The following CSMD3 variants were observed in gnomAD, a reference collection of about 807,000 sequenced individuals.
The protein encoded by CSMD3 is CUB and sushi domain-containing protein 3.
Under a neutral mutation model 435.2 loss-of-function variants are expected in CSMD3, and 177 were observed. That is an observed-to-expected ratio of 0.41 (90% CI 0.36 to 0.46). The LOEUF (loss-of-function observed/expected upper bound fraction) is 0.46, where lower values mean the gene tolerates loss of function less well. Ranked by LOEUF, CSMD3 falls within the 20% of genes least tolerant of loss-of-function variation. The pLI, the probability that CSMD3 is intolerant of heterozygous loss-of-function variation, is 0.34. For synonymous variants in CSMD3, 1,656 were observed against 1,520.5 expected, an observed-to-expected ratio of 1.09 and a Z score of -2.07; for missense variants, 4,265 against 4,504.6, an observed-to-expected ratio of 0.95 and a Z score of 1.52.
intron 6 of CSMD3, among the ~76,000 whole-genome samples, chr8:113,008,708 T>C (rs2086148015): frequency 6.6e-6 from 1 of 151,686 alleles, no homozygotes; most frequent in Admixed American, 6.6e-5. Context: ...TCTAGTACTA[T>C]ATATTGATAC....
At chr8:113,151,488 A>T (rs2091804640) in intron 4 of CSMD3, among the ~76,000 whole-genome samples, 1 of 151,954 alleles carries the variant, frequency 6.6e-6, no homozygotes, top group Admixed American at 6.6e-5. Context: ...AATAATATAA[A>T]CAATAGGAAT....
intron 2 of CSMD3, among the ~76,000 whole-genome samples, chr8:113,286,057 T>C (rs1223448763): frequency 6.6e-6 from 1 of 152,008 alleles, no homozygotes; most frequent in Admixed American, 6.6e-5. Flanking sequence ...AATTTTATGG[T>C]TTCTAATTGA....
chr8:113,146,374 G>T (rs973067194), intron 4 of CSMD3, among the ~76,000 whole-genome samples: 2 of 151,250 alleles, frequency 1.3e-5, no homozygotes, highest in African/African-American at 4.8e-5. Context: ...GCCTGGAGAG[G>T]TAATAAGAGT....
intron 2 of CSMD3, among the ~76,000 whole-genome samples, chr8:113,299,565 T>C (rs1248876139): frequency 6.6e-6 from 1 of 152,104 alleles, no homozygotes; most frequent in African/African-American, 2.4e-5. Flanking sequence ...AGAATGTTAG[T>C]GGATGTGGTA....
chr8:113,356,913 T>A (rs1484107338), intron 1 of CSMD3, among the ~76,000 whole-genome samples: 31 of 152,134 alleles, frequency 2.0e-4, no homozygotes, highest in Non-Finnish European at 1.5e-5. Flanking sequence ...ATAAAAATAT[T>A]TTTTTCTGAA....
At chr8:112,555,469 A>G (rs1005205284) in intron 25 of CSMD3, among the ~76,000 whole-genome samples, 4 of 152,004 alleles carry the variant, frequency 2.6e-5, no homozygotes, top group African/African-American at 9.7e-5. Context: ...CATTTTTCTC[A>G]TAACCAATGC....
At chr8:112,270,361 T>TGTGTGTGTTAGGGGTGA (rs1817385766) in intron 59 of CSMD3, among the ~76,000 whole-genome samples, 2 of 135,630 alleles carry the variant, frequency 1.5e-5, no homozygotes, top group African/African-American at 3.5e-5. Flanking sequence ...TGTGTGTGTG[T>TGTGTGTGTTAGGGGTGA]GTGTGTGTGT....
chr8:113,367,175 T>C (rs2094317621), intron 1 of CSMD3, among the ~76,000 whole-genome samples: 1 of 151,842 alleles, frequency 6.6e-6, no homozygotes, highest in African/African-American at 2.4e-5. Flanking sequence ...TAAAATATAA[T>C]TACTTATGCT....
chr8:112,320,481 A>G (rs1822889021), intron 45 of CSMD3, among the ~76,000 whole-genome samples: 1 of 152,080 alleles, frequency 6.6e-6, no homozygotes, highest in Non-Finnish European at 1.5e-5. Flanking sequence ...TACTATTTCT[A>G]TAATTGCCCC....
intron 53 of CSMD3, 83 bp downstream of exon 53, chr8:112,301,710 C>T: frequency 5.1e-6 from 5 of 981,176 alleles, no homozygotes; most frequent in Non-Finnish European, 8.2e-6. Flanking sequence ...AAATTAGTAT[C>T]TCATATTAGG....
intron 4 of CSMD3, among the ~76,000 whole-genome samples, chr8:113,120,475 A>C (rs2090955678): frequency 1.3e-5 from 2 of 152,154 alleles, no homozygotes; most frequent in South Asian, 4.1e-4. Flanking sequence ...CAAAGTCGTG[A>C]ACAAAGAAAA....
intron 9 of CSMD3, among the ~76,000 whole-genome samples, chr8:112,924,074 G>A (rs2082832096): frequency 6.6e-6 from 1 of 152,152 alleles, no homozygotes; most frequent in South Asian, 2.1e-4. Flanking sequence ...TAGGGGTTGT[G>A]GTTAGATTGG....
intron 5 of CSMD3, among the ~76,000 whole-genome samples, chr8:113,097,063 A>G (rs2090185702): frequency 6.6e-6 from 1 of 152,010 alleles, no homozygotes; most frequent in Admixed American, 6.6e-5. Context: ...TCACCTCCCT[A>G]GATCTCAGGT....
intron 13 of CSMD3, among the ~76,000 whole-genome samples, chr8:112,790,487 T>C (rs913389500): frequency 1.3e-5 from 2 of 151,006 alleles, no homozygotes; most frequent in African/African-American, 4.9e-5. Flanking sequence ...CAGGATTAAG[T>C]GGTTGATTAT....
chr8:113,380,083 A>T (rs189207353), intron 1 of CSMD3, among the ~76,000 whole-genome samples: 3 of 152,284 alleles, frequency 2.0e-5, no homozygotes, highest in Admixed American at 2.0e-4. Context: ...AATATTCATG[A>T]TCCGTACTGT....
chr8:112,682,358 C>T (rs2075918557), intron 16 of CSMD3, 84 bp downstream of exon 16: 1 of 949,196 alleles, frequency 1.1e-6, no homozygotes, highest in Admixed American at 1.7e-5. Flanking sequence ...TTATGACAGT[C>T]CTGGTAGGAT....
chr8:113,111,959 G>A (rs1303055321), intron 4 of CSMD3, among the ~76,000 whole-genome samples: 1 of 152,108 alleles, frequency 6.6e-6, no homozygotes, highest in Non-Finnish European at 1.5e-5. Context: ...GGGATTACAG[G>A]CAGGAGCCAC....
chr8:113,341,860 C>T (rs957653804), intron 1 of CSMD3, among the ~76,000 whole-genome samples: 1 of 152,068 alleles, frequency 6.6e-6, no homozygotes, highest in Non-Finnish European at 1.5e-5. Context: ...CTGCTCATAT[C>T]ATTCTGCATA....
intron 5 of CSMD3, among the ~76,000 whole-genome samples, chr8:113,066,267 T>C (rs1225986434): frequency 6.6e-6 from 1 of 152,040 alleles, no homozygotes; most frequent in Non-Finnish European, 1.5e-5. Context: ...CTGAGGACTT[T>C]AGAACTCTAA....
Sources: gnomAD v4.1 joint callset for allele counts (sites outside exome capture counted in the v4.1 genomes callset) on GRCh38, gnomAD v4.1.1 for gene constraint, MANE v1.5 for transcripts, NCBI Gene and HGNC (gene_info 2026-07-23, HGNC 2026-07-21) for gene names.